The following CENPO variants were observed in gnomAD, a reference collection of about 807,000 sequenced individuals.
The protein encoded by CENPO is centromere protein O.
CENPO carries 30 observed loss-of-function variants against 36.1 expected under a neutral mutation model. That is an observed-to-expected ratio of 0.83 (90% confidence interval 0.62 to 1.13). The LOEUF is 1.13. Ranked by LOEUF, CENPO falls within the 50% of genes most tolerant of loss-of-function variation. The pLI, the probability that CENPO is intolerant of heterozygous loss-of-function variation, is 0.00. For synonymous variants in CENPO, 171 were observed against 142.3 expected (o/e 1.20, Z -1.44); for missense variants, 349 against 357.8 (o/e 0.98, Z 0.20).
intron 2 of CENPO, 134 bp downstream of exon 2, chr2:24,794,099 A>G: frequency 1.3e-6 from 1 of 746,730 alleles, no homozygotes; most frequent in Non-Finnish European, 2.4e-6. Flanking sequence ...ACTAACATTG[A>G]AGACAAAGGG....
At chr2:24,809,040 C>G (rs1236633596) in intron 3 of CENPO, among the ~76,000 whole-genome samples, 1 of 152,062 alleles carries the variant, frequency 6.6e-6, no homozygotes, top group African/African-American at 2.4e-5. Flanking sequence ...ATAAGCTGTT[C>G]AGATTTCCTG....
intron 2 of CENPO, among the ~76,000 whole-genome samples, chr2:24,798,035 C>T (rs1299391039): frequency 6.6e-6 from 1 of 152,142 alleles, no homozygotes; most frequent in African/African-American, 2.4e-5. Flanking sequence ...ATGCTTATTT[C>T]CAGTTTTGGA....
chr2:24,810,618 G>A (rs773226568), intron 3 of CENPO, among the ~76,000 whole-genome samples: 16 of 147,896 alleles, frequency 1.1e-4, no homozygotes, highest in South Asian at 6.4e-4. Flanking sequence ...AGCAATTCTC[G>A]TGCCTCAGCC....
Position 24,820,713 on chromosome 2 carries a change from A to G in CENPO, c.*1395A>G. ...AGTCTGAGCACGTGCCAGCTGTGCC[A>G]CTGGACATACCTGAATGTTGCCCAT... On this transcript the variant is annotated 3_prime_UTR_variant, in exon 8 of 8. Coordinates refer to ENST00000380834, the MANE Select transcript of CENPO (RefSeq NM_001322101.2). 6.2e-7 allele frequency: 1 copy of G among 1,613,942 alleles called. No individual in the cohort carries two copies. The highest frequency in any genetic ancestry group is 8.5e-7 in the Non-Finnish European group (1 of 1,179,908).
intron 3 of CENPO, among the ~76,000 whole-genome samples, chr2:24,805,460 C>T (rs1666356557): frequency 6.6e-6 from 1 of 152,142 alleles, no homozygotes; most frequent in African/African-American, 2.4e-5. Flanking sequence ...GTGGTTTTAT[C>T]TACCTTTGGT....
rs1182947237 is a variant in CENPO at position 24,803,842 on chromosome 2, G to A, written c.216+3998G>A. Among the ~76,000 whole-genome samples the A allele has an allele frequency of 2.6e-5, 4 of 152,252 alleles. No individual in the cohort carries two copies. The South Asian group carries it at 8.3e-4, about 32-fold the overall frequency. ...TGGAGAGTTCTGTAGATGTCTATTA[G>A]GTCCGCTTGGTGCAGAGCTGAGTTC... On this transcript the variant is annotated intron_variant, in intron 3 of 7. Transcript: ENST00000380834.
chr2:24,812,842 G>T (rs1666758067), intron 3 of CENPO, among the ~76,000 whole-genome samples: 1 of 140,826 alleles, frequency 7.1e-6, no homozygotes, highest in Non-Finnish European at 1.5e-5. Flanking sequence ...CATCTGTTCT[G>T]TTGTCTTCTT....
intron 3 of CENPO, among the ~76,000 whole-genome samples, chr2:24,803,633 G>A (rs1318483223): frequency 6.6e-6 from 1 of 152,206 alleles, no homozygotes; most frequent in East Asian, 1.9e-4. Context: ...ATGTAGTTGA[G>A]TGGTTTTGAA....
rs76078428 is a variant in CENPO, at chr2:24,821,871, C to T, written c.*2553C>T. On this transcript the variant is annotated 3_prime_UTR_variant, in exon 8 of 8. Transcript: ENST00000380834. ...GGGCAATTGAGCAGAGGAGACGGAC[C>T]TGTGAGTCTGACCACGAGGCGGACC... 0.068 allele frequency: 35,740 copies of T among 524,964 alleles called. 1,439 individuals are homozygous for T. Among genetic ancestry groups the T allele is most frequent in the Non-Finnish European group, 0.078 (23,987 of 305,774 alleles). 32.5% of individuals were successfully genotyped at this position (524,964 alleles called of 1,614,324 possible).
intron 3 of CENPO, among the ~76,000 whole-genome samples, chr2:24,800,629 A>G: frequency 6.6e-6 from 1 of 152,010 alleles, no homozygotes; most frequent in Non-Finnish European, 1.5e-5. Flanking sequence ...TTCCAGCTTC[A>G]TCCATGTCCC....
chr2:24,820,833 C>T lies in CENPO; in HGVS notation c.*1515C>T. On this transcript the variant is annotated 3_prime_UTR_variant, in exon 8 of 8. Coordinates refer to ENST00000380834, the MANE Select transcript of CENPO (RefSeq NM_001322101.2). ...GGCTCCGATGACCCCAGCCAGAACC[C>T]CGCCTTTGTTCATGCCTAGGGTAGA... The T allele has an allele frequency of 3.1e-6, 5 of 1,614,108 alleles. No homozygotes were observed. Among genetic ancestry groups the T allele is most frequent in the Non-Finnish European group, 4.2e-6 (5 of 1,179,992 alleles).
chr2:24,793,859 A>G lies in CENPO; in HGVS notation c.-61A>G, dbSNP rs1178565338. 2 of 1,613,120 alleles carry G rather than the reference A, an allele frequency of 1.2e-6. No individual in the cohort carries two copies. The highest frequency in any genetic ancestry group is 1.3e-5 in the African/African-American group (1 of 74,926). On this transcript the variant is annotated 5_prime_UTR_variant, in exon 2 of 8. Transcript: ENST00000380834. ...CCATTTTTCTTTTATTAGCAAGGAC[A>G]TTGGAGTCCCTATCACCGGTTGCCT...
chr2:24,801,013 G>A (rs299010), intron 3 of CENPO, among the ~76,000 whole-genome samples: 14 of 152,164 alleles, frequency 9.2e-5, no homozygotes, highest in Admixed American at 3.9e-4. Flanking sequence ...TTTAATGATC[G>A]CCATTCTAAC....
intron 3 of CENPO, among the ~76,000 whole-genome samples, chr2:24,804,949 A>C (rs1376231724): frequency 6.6e-6 from 1 of 152,086 alleles, no homozygotes; most frequent in Non-Finnish European, 1.5e-5. Flanking sequence ...TCTCCCCATC[A>C]CTTTCAGGTA....
chr2:24,804,733 G>A (rs543116746), intron 3 of CENPO, among the ~76,000 whole-genome samples: 5 of 152,258 alleles, frequency 3.3e-5, no homozygotes, highest in African/African-American at 4.8e-5. Flanking sequence ...TGGGTAGCCC[G>A]ACCTTTCTCT....
chr2:24,817,423 T>G (rs1434262325), intron 6 of CENPO, among the ~76,000 whole-genome samples: 1 of 145,738 alleles, frequency 6.9e-6, no homozygotes, highest in East Asian at 2.0e-4. Context: ...GTCCCCAGTC[T>G]CTAGATTGCA....
At chr2:24,794,217 G>T (rs905407491) in intron 2 of CENPO, among the ~76,000 whole-genome samples, 1 of 152,190 alleles carries the variant, frequency 6.6e-6, no homozygotes, top group Non-Finnish European at 1.5e-5. Flanking sequence ...TTTATATTCT[G>T]AACTGCGGTT....
In CENPO at chr2:24,821,879, C is replaced by A; in HGVS notation, c.*2561C>A. On this transcript the variant is annotated 3_prime_UTR_variant, in exon 8 of 8. Coordinates refer to ENST00000380834, the MANE Select transcript of CENPO (RefSeq NM_001322101.2). ...GAGCAGAGGAGACGGACCTGTGAGT[C>A]TGACCACGAGGCGGACCCCTTCACC... 1 of 506,800 alleles carries A rather than the reference C, an allele frequency of 2.0e-6. No individual in the cohort carries two copies. Among genetic ancestry groups the A allele is most frequent in the Non-Finnish European group, 3.4e-6 (1 of 291,732 alleles). The allele number at this position is 506,800 out of a possible 1,614,324, so 31.4% of individuals were successfully genotyped here.
chr2:24,796,236 C>A (rs1402588231), intron 2 of CENPO, among the ~76,000 whole-genome samples: 1 of 152,108 alleles, frequency 6.6e-6, no homozygotes, highest in Non-Finnish European at 1.5e-5. Flanking sequence ...TGCCTGTAGT[C>A]CCAGCTAATT....
Sources: allele counts gnomAD v4.1 joint callset (sites outside exome capture counted in the v4.1 genomes callset), GRCh38; gene constraint gnomAD v4.1.1; transcripts MANE v1.5; gene names NCBI Gene and HGNC (gene_info 2026-07-23, HGNC 2026-07-21).